THRB: variants seen among roughly 807,000 people sequenced by gnomAD.
The protein encoded by THRB is nuclear receptor subfamily 1 group A member 2.
In THRB, 12 loss-of-function variants were observed where a neutral mutation model predicts 47.8. The observed-to-expected ratio is 0.25, with a 90% CI of 0.16 to 0.41. THRB has a LOEUF of 0.41. THRB is among the 10% of genes least tolerant of loss of function. THRB has a pLI of 1.00. For synonymous variants in THRB, 218 were observed against 212.2 expected (o/e 1.03, Z -0.24); for missense variants, 348 against 589.2 (o/e 0.59, Z 4.24).
chr3:24,357,835 G>T (rs1030097741), intron 1 of THRB, among the ~76,000 whole-genome samples: 1 of 152,076 alleles, frequency 6.6e-6, no homozygotes, highest in East Asian at 1.9e-4. Context: ...AACAATGTGC[G>T]TCTTTTCATA....
Position 24,258,486 on chromosome 3 carries a change from C to A in THRB, c.-42-29485G>T, listed in dbSNP as rs115101468. Among the ~76,000 whole-genome samples the A allele has an allele frequency of 5.0e-3, 760 of 152,282 alleles. 4 individuals carry two copies. The highest frequency in any genetic ancestry group is 0.018 in the African/African-American group (737 of 41,554). On this transcript the variant is annotated intron_variant, in intron 3 of 10. Transcript: ENST00000646209. ...CAGTTCTCATGTGGCATTGAACCTT[C>A]CCCTGAAGGACTGCTGCTCTGTACT... is the stretch of plus-strand genomic sequence containing the variant.
At chr3:24,315,181 C>T (rs553571434) in intron 2 of THRB, among the ~76,000 whole-genome samples, 1 of 152,274 alleles carries the variant, frequency 6.6e-6, no homozygotes, top group South Asian at 2.1e-4. Flanking sequence ...CGTCTTGACC[C>T]ACACATTAAT....
intron 1 of THRB, among the ~76,000 whole-genome samples, chr3:24,342,851 G>A (rs1337558819): frequency 1.3e-5 from 2 of 152,290 alleles, no homozygotes; most frequent in African/African-American, 2.4e-5. Flanking sequence ...AGCAACTATA[G>A]GAGCGAAGTG....
intron 8 of THRB, among the ~76,000 whole-genome samples, chr3:24,138,319 T>C (rs2034966310): frequency 6.6e-6 from 1 of 152,032 alleles, no homozygotes; most frequent in African/African-American, 2.4e-5. Context: ...CAGATAATAA[T>C]TCAAGGTCCT....
chr3:24,348,778 C>T (rs1214319138), intron 1 of THRB: 1 of 152,060 alleles, frequency 6.6e-6, no homozygotes, highest in Non-Finnish European at 1.5e-5. Context: ...GTATAACAAA[C>T]ATGCTAATGA....
In THRB at chr3:24,202,151, A is replaced by T. The variant is rs186834494; in HGVS notation, c.23-11817T>A. ...TTAGATGATCATCTCAGGCAAACAA[A>T]AACAAAAACTAAATTCCATGGGCTG... On this transcript the variant is annotated intron_variant, in intron 4 of 10. Coordinates refer to ENST00000646209, the MANE Select transcript of THRB (RefSeq NM_001354712.2). Among the ~76,000 whole-genome samples, 65 of 152,316 alleles carry T rather than the reference A, an allele frequency of 4.3e-4. 4 individuals are homozygous for T. In the East Asian group the frequency reaches 8.1e-3, roughly 19 times the overall value.
chr3:24,168,825 C>T (rs372822064), intron 5 of THRB, among the ~76,000 whole-genome samples: 53 of 151,580 alleles, frequency 3.5e-4, no homozygotes, highest in East Asian at 3.1e-3. Context: ...AAAGGAGGCA[C>T]GCTAGGAAAG....
intron 4 of THRB, among the ~76,000 whole-genome samples, chr3:24,192,803 G>C (rs1198234366): frequency 6.6e-6 from 1 of 152,078 alleles, no homozygotes; most frequent in African/African-American, 2.4e-5. Flanking sequence ...TTGGGAAAAG[G>C]GCTTCATTCA....
At chr3:24,228,399 A>G (rs2047896726) in intron 4 of THRB, among the ~76,000 whole-genome samples, 2 of 152,168 alleles carry the variant, frequency 1.3e-5, no homozygotes, top group Admixed American at 1.3e-4. Context: ...ATAAACAGCC[A>G]ACTTCTGAAA....
At chr3:24,243,819 G>A (rs2049832426) in intron 3 of THRB, among the ~76,000 whole-genome samples, 1 of 152,148 alleles carries the variant, frequency 6.6e-6, no homozygotes, top group African/African-American at 2.4e-5. Context: ...TGCTAACACA[G>A]TGTGTAGTTC....
At chr3:24,192,668 A>C (rs2043491195) in intron 4 of THRB, among the ~76,000 whole-genome samples, 1 of 152,104 alleles carries the variant, frequency 6.6e-6, no homozygotes, top group South Asian at 2.1e-4. Flanking sequence ...AGCCTATTAA[A>C]GCTTGCTTAC....
rs2030978463 is a variant in THRB at position 24,118,100 on chromosome 3, A to C, written c.*4784T>G. 6.6e-6 allele frequency: 1 copy of C among 152,560 alleles called. No individual in the cohort carries two copies. The highest frequency in any genetic ancestry group is 1.5e-5 in the Non-Finnish European group (1 of 68,048). The allele number at this position is 152,560 out of a possible 1,614,324, so 9.5% of individuals were successfully genotyped here. A position where few individuals can be genotyped will look rare whatever the true frequency, so the allele number is the denominator to read the frequency against. The stretch of plus-strand genomic sequence containing the variant: ...CTAGTAGATGTTTATTTATGAAATA[A>C]ATGTCCTTACATCCGTGGTTCCGTC... On this transcript the variant is annotated 3_prime_UTR_variant, in exon 11 of 11. Coordinates refer to ENST00000646209, the MANE Select transcript of THRB (RefSeq NM_001354712.2).
chr3:24,241,250 AG>A (rs34483787), intron 3 of THRB, among the ~76,000 whole-genome samples: 19,767 of 152,172 alleles, frequency 0.13, 1,527 homozygotes, highest in Middle Eastern at 0.23. Flanking sequence ...GTTCTCAAGG[AG>A]GGGTTTTCAC....
At chr3:24,387,386 T>C (rs1473430578) in intron 1 of THRB, among the ~76,000 whole-genome samples, 4 of 152,170 alleles carry the variant, frequency 2.6e-5, no homozygotes, top group African/African-American at 9.6e-5. Flanking sequence ...CATTATAACC[T>C]GACCCTCTCC....
intron 1 of THRB, among the ~76,000 whole-genome samples, chr3:24,385,401 T>TCACA (rs1201914954): frequency 2.0e-5 from 3 of 150,466 alleles, no homozygotes; most frequent in African/African-American, 4.9e-5. Context: ...ACACTGCAAT[T>TCACA]CACACACACA....
intron 1 of THRB, among the ~76,000 whole-genome samples, chr3:24,463,389 T>C (rs1386942583): frequency 6.6e-6 from 1 of 152,168 alleles, no homozygotes; most frequent in Non-Finnish European, 1.5e-5. Context: ...GCCTGCCAAG[T>C]AGCTGGGACT....
At chr3:24,135,387 C>G (rs2034493134) in intron 8 of THRB, among the ~76,000 whole-genome samples, 1 of 152,046 alleles carries the variant, frequency 6.6e-6, no homozygotes, top group Non-Finnish European at 1.5e-5. Context: ...TTTGACCATC[C>G]AGCATTGTCT....
At chr3:24,254,311 T>A (rs1249429956) in intron 3 of THRB, among the ~76,000 whole-genome samples, 1 of 140,818 alleles carries the variant, frequency 7.1e-6, no homozygotes, top group Non-Finnish European at 1.5e-5. Context: ...AGGAGAATGG[T>A]GTGAACCCGG....
intron 1 of THRB, among the ~76,000 whole-genome samples, chr3:24,485,627 C>T (rs73152107): frequency 0.018 from 2,682 of 152,332 alleles, 40 homozygotes; most frequent in Middle Eastern, 0.034. Context: ...GGAAGGTCCT[C>T]GCCATCTGGC....
Sources: gnomAD v4.1 joint callset for allele counts (sites outside exome capture counted in the v4.1 genomes callset) on GRCh38, gnomAD v4.1.1 for gene constraint, MANE v1.5 for transcripts, NCBI Gene and HGNC (gene_info 2026-07-23, HGNC 2026-07-21) for gene names.